Variants in TTC29 observed in about 807,000 individuals in gnomAD.
TTC29 encodes the protein tetratricopeptide repeat protein 29.
TTC29 carries 49 observed loss-of-function variants against 58.1 expected under a neutral mutation model. The ratio of observed to expected loss-of-function variants is 0.84; its 90% CI spans 0.67 to 1.07. The LOEUF (loss-of-function observed/expected upper bound fraction) is 1.07, where lower values mean the gene tolerates loss of function less well. Ranked by LOEUF, TTC29 falls within the 50% of genes least tolerant of loss-of-function variation. The pLI is 0.00. For missense variants in TTC29, 582 were observed against 555.6 expected (o/e 1.05, Z -0.48); for synonymous variants, 209 against 196.8 (o/e 1.06, Z -0.52).
At chr4:146,710,591 T>C (rs936991352) in intron 11 of TTC29, among the ~76,000 whole-genome samples, 4 of 152,126 alleles carry the variant, frequency 2.6e-5, no homozygotes, top group Non-Finnish European at 5.9e-5. Context: ...GATTATAACC[T>C]AGGTTTTGCA....
chr4:146,717,404 G>C (rs1420218790), intron 11 of TTC29, among the ~76,000 whole-genome samples: 4 of 151,814 alleles, frequency 2.6e-5, no homozygotes, highest in Non-Finnish European at 5.9e-5. Context: ...CAGCCTCCCA[G>C]GTAGCTGGGA....
intron 8 of TTC29, among the ~76,000 whole-genome samples, chr4:146,863,352 C>T (rs575815528): frequency 4.1e-4 from 62 of 152,236 alleles, no homozygotes; most frequent in Middle Eastern, 3.4e-3. Context: ...GTACCTCCTC[C>T]TTCATCCAAT....
At chr4:146,858,426 A>G (rs17022056) in intron 8 of TTC29, among the ~76,000 whole-genome samples, 1,635 of 152,286 alleles carry the variant, frequency 0.011, 27 homozygotes, top group African/African-American at 0.038. Context: ...GACTTGACCT[A>G]TATTCCATTA....
At chr4:146,804,100 G>A in intron 10 of TTC29, among the ~76,000 whole-genome samples, 1 of 152,200 alleles carries the variant, frequency 6.6e-6, no homozygotes, top group East Asian at 1.9e-4. Context: ...TGGAGGGCAA[G>A]CTGAAGCAGG....
chr4:146,909,200 C>A lies in TTC29; in HGVS notation c.226G>T (p.Gly76Cys), dbSNP rs1240336067. 6.2e-7 allele frequency: 1 copy of A among 1,613,644 alleles called. No homozygotes were observed. The highest frequency in any genetic ancestry group is 8.5e-7 in the Non-Finnish European group (1 of 1,179,818). The change falls in exon 5 of 13, where the codon GGT becomes TGT. Residue 76 changes from glycine to cysteine, a missense_variant. By Grantham distance (159) the Gly-to-Cys change is radical. Coordinates refer to ENST00000325106, the MANE Select transcript of TTC29 (RefSeq NM_031956.4). ...KNICVDMLRD[G>C]YHKSFTELFA... Reference sequence around the variant, plus strand: ...AGCTCGGTGAAGGACTTATGATAACCATCTCGCAGCATGTCCACACAGATA... The same window carrying A: ...AGCTCGGTGAAGGACTTATGATAACAATCTCGCAGCATGTCCACACAGATA...
Position 146,803,664 on chromosome 4 carries a change from CAGAAGCTTTGTTGT to C in TTC29, c.1109_1122del (p.Tyr370Ter). 6.3e-7 allele frequency: 1 copy of C among 1,592,772 alleles called. No homozygotes were observed. The highest frequency in any genetic ancestry group is 8.6e-7 in the Non-Finnish European group (1 of 1,165,722). ...GTGTCAAAAGCTTGCTGAAAGCATTCAGAAGCTTTGTTGTAGTATCCCTAAAAAGGTAAGAGAAA... is the reference window on the plus strand; with the variant it reads ...GTGTCAAAAGCTTGCTGAAAGCATTCAGTATCCCTAAAAAGGTAAGAGAAA... On this transcript the variant is annotated frameshift_variant, in exon 11 of 13. Transcript: ENST00000325106. LOFTEE classifies it high-confidence loss of function.
intron 11 of TTC29, among the ~76,000 whole-genome samples, chr4:146,748,235 A>T (rs760936437): frequency 8.5e-5 from 13 of 152,196 alleles, no homozygotes; most frequent in Non-Finnish European, 1.3e-4. Flanking sequence ...TGGCCCCAGA[A>T]TCAGAACCAC....
chr4:146,872,725 G>C (rs1456859859), intron 7 of TTC29, among the ~76,000 whole-genome samples: 4 of 151,968 alleles, frequency 2.6e-5, no homozygotes, highest in Admixed American at 2.6e-4. Context: ...TAATGAAGAA[G>C]ATAAAAGTAA....
chr4:146,728,860 C>CGT lies in TTC29; in HGVS notation c.1331-21310_1331-21309insAC, dbSNP rs1357065148. 8.1e-5 allele frequency among the ~76,000 whole-genome samples: 5 copies of CGT among 62,020 alleles called. 1 individual carries two copies. The highest frequency in any genetic ancestry group is 1.4e-3 in the South Asian group (2 of 1,404). 40.7% of individuals were successfully genotyped at this position (62,020 alleles called of 152,430 possible). On this transcript the variant is annotated intron_variant, in intron 11 of 12. Coordinates refer to ENST00000325106, the MANE Select transcript of TTC29 (RefSeq NM_031956.4). Reference sequence around the variant, plus strand: ...ACACATATATATGTATATATATACACATATATATGTGTGTGTATATATATA... The same window carrying CGT: ...ACACATATATATGTATATATATACACGTATATATATGTGTGTGTATATATATA...
intron 11 of TTC29, among the ~76,000 whole-genome samples, chr4:146,761,025 A>C (rs7668640): frequency 0.33 from 49,702 of 151,340 alleles, 8,541 homozygotes; most frequent in East Asian, 0.45. Context: ...GTTCTCACTG[A>C]TATGTGGGAG....
Position 146,869,118 on chromosome 4 carries a change from A to C in TTC29, c.800-1535T>G, listed in dbSNP as rs200423730. ...TAAGTAAAAAAAAAAAAAAAAAAAA[A>C]ACCTCTTTTCTTTATAAATTACCCA... On this transcript the variant is annotated intron_variant, in intron 7 of 12. Transcript: ENST00000325106. Among the ~76,000 whole-genome samples, 47 of 146,098 alleles carry C rather than the reference A, an allele frequency of 3.2e-4. No homozygotes were observed. In the East Asian group the frequency reaches 9.3e-3, roughly 29 times the overall value.
At chr4:146,785,284 C>T (rs139152559) in intron 11 of TTC29, among the ~76,000 whole-genome samples, 37 of 151,654 alleles carry the variant, frequency 2.4e-4, no homozygotes, top group African/African-American at 7.5e-4. Flanking sequence ...TCTCTGCCTC[C>T]CAAGTTCAAG....
At chr4:146,722,220 A>G (rs1433921515) in intron 11 of TTC29, among the ~76,000 whole-genome samples, 1 of 152,232 alleles carries the variant, frequency 6.6e-6, no homozygotes, top group Non-Finnish European at 1.5e-5. Context: ...AAGAATAAAT[A>G]TTGTTGAAAT....
chr4:146,836,718 C>A (rs1263418846), intron 8 of TTC29, among the ~76,000 whole-genome samples: 1 of 152,024 alleles, frequency 6.6e-6, no homozygotes, highest in African/African-American at 2.4e-5. Flanking sequence ...AGATGACATG[C>A]ATGTTGCCAA....
At chr4:146,716,230 A>G (rs1742920041) in intron 11 of TTC29, among the ~76,000 whole-genome samples, 1 of 152,162 alleles carries the variant, frequency 6.6e-6, no homozygotes, top group South Asian at 2.1e-4. Flanking sequence ...TCACTCAGAA[A>G]GTTTAATTTT....
At chr4:146,733,017 G>A (rs1161921841) in intron 11 of TTC29, among the ~76,000 whole-genome samples, 1 of 152,132 alleles carries the variant, frequency 6.6e-6, no homozygotes, top group Non-Finnish European at 1.5e-5. Flanking sequence ...GGCAGCCAAA[G>A]GAATAGTGGG....
chr4:146,777,007 G>A (rs1278136032), intron 11 of TTC29, among the ~76,000 whole-genome samples: 2 of 152,124 alleles, frequency 1.3e-5, no homozygotes, highest in Non-Finnish European at 2.9e-5. Context: ...GGCGGTGGTG[G>A]TGGCGGTGGT....
Position 146,832,641 on chromosome 4 carries a change from T to TTGTGTGTGTG in TTC29, c.977+1155_977+1164dup, listed in dbSNP as rs201136243. Among the ~76,000 whole-genome samples the TTGTGTGTGTG allele has an allele frequency of 6.9e-3, 1,026 of 149,286 alleles. 9 individuals are homozygous for TTGTGTGTGTG. Among genetic ancestry groups the TTGTGTGTGTG allele is most frequent in the Non-Finnish European group, 1.0e-2 (669 of 67,100 alleles). On this transcript the variant is annotated intron_variant, in intron 9 of 12. Transcript: ENST00000325106. ...AGCCCTCCTCCATGGCCAACTAATT[T>TTGTGTGTGTG]TGTGTGTGTGTGTGTGTGTGTGGTA...
chr4:146,707,912 A>C (rs1317319897), intron 11 of TTC29, among the ~76,000 whole-genome samples: 2 of 152,074 alleles, frequency 1.3e-5, no homozygotes, highest in Non-Finnish European at 2.9e-5. Context: ...TGGTTATCTT[A>C]GGATACTTTT....
Sources: gnomAD v4.1 joint callset for allele counts (sites outside exome capture counted in the v4.1 genomes callset) on GRCh38, gnomAD v4.1.1 for gene constraint, MANE v1.5 for transcripts, NCBI Gene and HGNC (gene_info 2026-07-23, HGNC 2026-07-21) for gene names.